LCLAT1: variants seen among roughly 807,000 people sequenced by gnomAD.
The protein encoded by LCLAT1 is lysocardiolipin acyltransferase 1.
In LCLAT1, 11 loss-of-function variants were observed where a neutral mutation model predicts 30.7. The ratio of observed to expected loss-of-function variants is 0.36; its 90% CI spans 0.23 to 0.59. LCLAT1 has a LOEUF of 0.59. LCLAT1 is among the 20% of genes least tolerant of loss of function. The pLI, the probability that LCLAT1 is intolerant of heterozygous loss-of-function variation, is 0.77. For synonymous variants in LCLAT1, 155 were observed against 151.3 expected, an observed-to-expected ratio of 1.02 and a Z score of -0.18; for missense variants, 402 against 458.6, an observed-to-expected ratio of 0.88 and a Z score of 1.13.
intron 1 of LCLAT1, among the ~76,000 whole-genome samples, chr2:30,484,836 G>GT (rs1683484600): frequency 6.6e-6 from 1 of 152,162 alleles, no homozygotes; most frequent in African/African-American, 2.4e-5. Context: ...TTCCATATGT[G>GT]TTTTAAATTG....
chr2:30,501,165 G>T (rs1281027840), intron 1 of LCLAT1, among the ~76,000 whole-genome samples: 1 of 151,424 alleles, frequency 6.6e-6, no homozygotes, highest in East Asian at 2.0e-4. Flanking sequence ...TTCTAGTTGG[G>T]CAAGAAGGTG....
At chr2:30,640,027 C>T (rs1572732629) in intron 5 of LCLAT1, 90 bp from the exon 6 acceptor site, 13 of 987,770 alleles carry the variant, frequency 1.3e-5, no homozygotes, top group Admixed American at 2.2e-5. Context: ...CCTGATTTTT[C>T]GGTTTCTGGT....
At position 30,465,078 on chromosome 2, in the gene LCLAT1, C is replaced by T. The variant is rs79615492; in HGVS notation, c.-5+17695C>T. 1.1e-3 allele frequency among the ~76,000 whole-genome samples: 173 copies of T among 152,142 alleles called. 3 individuals are homozygous for T. In the East Asian group the frequency reaches 0.032, roughly 28 times the overall value. ...AATGGTTCTCTAAAATATTCAAGTCCTAATCCTGGAACCTGTGAAATGTTA... is the reference window on the plus strand; with the variant it reads ...AATGGTTCTCTAAAATATTCAAGTCTTAATCCTGGAACCTGTGAAATGTTA... On this transcript the variant is annotated intron_variant, in intron 1 of 5. Transcript: ENST00000379509.
At chr2:30,467,037 T>C (rs13382540) in intron 1 of LCLAT1, among the ~76,000 whole-genome samples, 19,248 of 152,168 alleles carry the variant, frequency 0.13, 1,354 homozygotes, top group South Asian at 0.23. Context: ...TGTGCTGCAC[T>C]CGTTAACTCG....
intron 1 of LCLAT1, among the ~76,000 whole-genome samples, chr2:30,524,557 A>G (rs998544978): frequency 2.6e-5 from 4 of 152,182 alleles, no homozygotes; most frequent in African/African-American, 9.7e-5. Flanking sequence ...TTTGTGTGCC[A>G]TTCTGAGTAG....
chr2:30,543,680 T>C (rs1290904211), intron 3 of LCLAT1, among the ~76,000 whole-genome samples: 2 of 152,174 alleles, frequency 1.3e-5, no homozygotes, highest in African/African-American at 2.4e-5. Context: ...GTTGTCAAAC[T>C]GAGGCATCAA....
chr2:30,636,862 G>T (rs1669054840), intron 5 of LCLAT1, among the ~76,000 whole-genome samples: 1 of 152,206 alleles, frequency 6.6e-6, no homozygotes. Flanking sequence ...AAGATTTTAA[G>T]ATTGACTGTG....
rs115935070 is a variant in LCLAT1, at chr2:30,453,865, C to T, written c.-5+6482C>T. Among the ~76,000 whole-genome samples, 1,065 of 152,256 alleles carry T rather than the reference C, an allele frequency of 7.0e-3. 11 individuals carry two copies. Among genetic ancestry groups the T allele is most frequent in the African/African-American group, 0.024 (1,010 of 41,538 alleles). On this transcript the variant is annotated intron_variant, in intron 1 of 5. Transcript: ENST00000379509. ...TTCTAAGTGCTTTAAGTTTTTAACT[C>T]CTTTAACCCTCCCAGCTTCCACTGT...
At position 30,642,330 on chromosome 2, in the gene LCLAT1, T is replaced by C. The variant is rs1425439368; in HGVS notation, c.*1711T>C. The C allele has an allele frequency of 6.6e-6, 1 of 152,164 alleles. No individual in the cohort carries two copies. The highest frequency in any genetic ancestry group is 2.4e-5 in the African/African-American group (1 of 41,452). The allele number at this position is 152,164 out of a possible 1,614,324, so 9.4% of individuals were successfully genotyped here. ...CCTGCTGGGAGCAACTAACTAGTTATTATGCACATCTGCTCCAGACCCAGC... is the reference window on the plus strand; with the variant it reads ...CCTGCTGGGAGCAACTAACTAGTTACTATGCACATCTGCTCCAGACCCAGC... On this transcript the variant is annotated 3_prime_UTR_variant, in exon 6 of 6. Coordinates refer to ENST00000379509, the MANE Select transcript of LCLAT1 (RefSeq NM_001002257.3).
chr2:30,610,113 T>G (rs182524587), intron 5 of LCLAT1, among the ~76,000 whole-genome samples: 7 of 152,256 alleles, frequency 4.6e-5, no homozygotes, highest in African/African-American at 1.7e-4. Flanking sequence ...ATAACTAGAC[T>G]TTGTCACATA....
chr2:30,627,281 CA>C (rs2148523376), intron 5 of LCLAT1, among the ~76,000 whole-genome samples: 1 of 152,250 alleles, frequency 6.6e-6, no homozygotes, highest in East Asian at 1.9e-4. Context: ...TCTGGGGTTA[CA>C]ATCTTCTCTG....
At chr2:30,550,901 A>G (rs1319416161) in intron 3 of LCLAT1, among the ~76,000 whole-genome samples, 1 of 152,060 alleles carries the variant, frequency 6.6e-6, no homozygotes, top group Non-Finnish European at 1.5e-5. Context: ...GGACTCATTG[A>G]TATTTATTTT....
intron 1 of LCLAT1, among the ~76,000 whole-genome samples, chr2:30,453,012 C>G (rs965780728): frequency 6.6e-6 from 1 of 152,144 alleles, no homozygotes; most frequent in African/African-American, 2.4e-5. Flanking sequence ...CAGTTGAGTT[C>G]TGAAGACTTC....
intron 1 of LCLAT1, among the ~76,000 whole-genome samples, chr2:30,508,520 A>G (rs947985516): frequency 1.2e-4 from 18 of 152,054 alleles, no homozygotes; most frequent in East Asian, 1.9e-4. Flanking sequence ...TCCTTTCCCC[A>G]TTGCTTGTTT....
intron 5 of LCLAT1, among the ~76,000 whole-genome samples, chr2:30,630,049 C>G (rs140554881): frequency 2.8e-4 from 43 of 152,256 alleles, no homozygotes; most frequent in Middle Eastern, 3.4e-3. Context: ...TAGTTCCTCA[C>G]TGTTCTGGAG....
chr2:30,640,451 A>G lies in LCLAT1; in HGVS notation c.963A>G (p.Ala321=), dbSNP rs1194043243. The change falls in exon 6 of 6, where the codon GCA becomes GCG. Residue 321 remains alanine (A), a synonymous_variant. Transcript: ENST00000379509. ...SILYWTLFSP[A]MCLLIYLYSL... is the part of the protein sequence containing the mutation. ...TGTATTGGACCCTGTTCAGCCCTGC[A>G]ATGTGCCTACTCATATATTTGTACA... The G allele has an allele frequency of 2.5e-6, 4 of 1,614,060 alleles. No homozygotes were observed. Among genetic ancestry groups the G allele is most frequent in the Non-Finnish European group, 3.4e-6 (4 of 1,180,018 alleles).
chr2:30,476,441 C>T (rs751460340), intron 1 of LCLAT1: 18 of 456,592 alleles, frequency 3.9e-5, no homozygotes, highest in Non-Finnish European at 7.5e-5. Context: ...ATTTCCACCT[C>T]TGCTCAGATC....
At chr2:30,590,813 G>A (rs865966355) in intron 5 of LCLAT1, among the ~76,000 whole-genome samples, 13 of 152,046 alleles carry the variant, frequency 8.6e-5, no homozygotes, top group Non-Finnish European at 1.6e-4. Flanking sequence ...ATAAAACAAA[G>A]TTCAAAGGCG....
rs543704374 is a variant in LCLAT1, at chr2:30,531,097, C to T, written c.166-2019C>T. The stretch of plus-strand genomic sequence containing the variant: ...TGGCCAACGTGGTGAAATCCTGTCT[C>T]TACTGAAAATACAAAATATTAGCTG... On this transcript the variant is annotated intron_variant, in intron 2 of 5. Transcript: ENST00000379509. Among the ~76,000 whole-genome samples the T allele has an allele frequency of 2.2e-4, 33 of 152,130 alleles. No homozygotes were observed. In the South Asian group the frequency reaches 5.4e-3, roughly 25 times the overall value.
Sources: allele counts gnomAD v4.1 joint callset (sites outside exome capture counted in the v4.1 genomes callset), GRCh38; gene constraint gnomAD v4.1.1; transcripts MANE v1.5; gene names NCBI Gene and HGNC (gene_info 2026-07-23, HGNC 2026-07-21).